Variants in PIEZO2 observed in about 807,000 individuals in gnomAD.
The protein encoded by PIEZO2 is piezo-type mechanosensitive ion channel component 2.
PIEZO2 carries 172 observed loss-of-function variants against 337.3 expected under a neutral mutation model. The observed-to-expected ratio is 0.51, with a 90% CI of 0.45 to 0.58. PIEZO2 has a LOEUF of 0.58. PIEZO2 is among the 20% of genes least tolerant of loss of function. PIEZO2 has a pLI of 0.00. For missense variants in PIEZO2, 3,028 were observed against 3,391.3 expected (o/e 0.89, Z 2.66); for synonymous variants, 1,251 against 1,228.5 (o/e 1.02, Z -0.38).
rs929744019 is a variant in PIEZO2 at position 10,952,772 on chromosome 18, A to T, written c.286+26763T>A. On this transcript the variant is annotated intron_variant, in intron 3 of 55. Coordinates refer to ENST00000674853, the MANE Select transcript of PIEZO2 (RefSeq NM_001378183.1). This position sits in a 1 kb window ranked among gnomAD's most constrained non-coding sequence, Gnocchi z 4.1. ...ATAATATGTTGGAAGATTATTTTTC[A>T]AAGTGTCTATATAATTGTACATTCC... 6.6e-6 allele frequency among the ~76,000 whole-genome samples: 1 copy of T among 152,182 alleles called. No homozygotes were observed. The highest frequency in any genetic ancestry group is 2.4e-5 in the African/African-American group (1 of 41,448).
chr18:10,731,042 A>C (rs1265002171), intron 36 of PIEZO2, among the ~76,000 whole-genome samples: 1 of 151,864 alleles, frequency 6.6e-6, no homozygotes, highest in Non-Finnish European at 1.5e-5. Context: ...TTTTCTAAGA[A>C]CAATTTTTAA....
Position 10,803,956 on chromosome 18 carries a change from C to CCAA in PIEZO2, c.1118_1119insTTG (p.Leu373_Ala374insTrp). On this transcript the variant is annotated inframe_insertion, in exon 9 of 56. Coordinates refer to ENST00000674853, the MANE Select transcript of PIEZO2 (RefSeq NM_001378183.1). Reference sequence around the variant, plus strand: ...CTGTTATTTGGATGGGGCTACAAGCCAGGGCTTTGTCCTCTTCTTTGGTCC... The same window carrying CCAA: ...CTGTTATTTGGATGGGGCTACAAGCCCAAAGGGCTTTGTCCTCTTCTTTGGTCC... 1 of 1,537,332 alleles carries CCAA rather than the reference C, an allele frequency of 6.5e-7. No individual in the cohort carries two copies. Among genetic ancestry groups the CCAA allele is most frequent in the Admixed American group, 2.0e-5 (1 of 51,004 alleles).
intron 4 of PIEZO2, among the ~76,000 whole-genome samples, chr18:10,879,823 T>G (rs2042366353): frequency 1.3e-5 from 2 of 152,212 alleles, no homozygotes; most frequent in African/African-American, 4.8e-5. Flanking sequence ...GGCATTAAAT[T>G]ATGGCATATC....
intron 2 of PIEZO2, among the ~76,000 whole-genome samples, chr18:11,011,386 T>TAAA (rs2035895308): frequency 6.6e-6 from 1 of 152,226 alleles, no homozygotes; most frequent in Non-Finnish European, 1.5e-5. Context: ...CTATGCCGTG[T>TAAA]TTGACTTTTA....
At chr18:10,782,829 A>C (rs188483893) in intron 17 of PIEZO2, among the ~76,000 whole-genome samples, 9 of 152,248 alleles carry the variant, frequency 5.9e-5, no homozygotes, top group Non-Finnish European at 1.2e-4. Flanking sequence ...CAGAACCTGC[A>C]TAGGCTAAAC....
chr18:11,095,416 A>G (rs1198035582), intron 1 of PIEZO2, among the ~76,000 whole-genome samples: 2 of 152,184 alleles, frequency 1.3e-5, no homozygotes, highest in Non-Finnish European at 2.9e-5. Flanking sequence ...TATGCACTAC[A>G]CTGGCACAGC....
At chr18:10,902,887 A>G (rs764571864) in intron 4 of PIEZO2, among the ~76,000 whole-genome samples, 2 of 152,216 alleles carry the variant, frequency 1.3e-5, no homozygotes, top group Non-Finnish European at 2.9e-5. Flanking sequence ...GGTCATGGGT[A>G]TAGAAAGTTT....
At chr18:10,714,992 C>A in intron 38 of PIEZO2, 62 bp from the exon 39 acceptor site, 1 of 1,472,396 alleles carries the variant, frequency 6.8e-7, no homozygotes, top group Non-Finnish European at 9.1e-7. Flanking sequence ...AGCCACCTGG[C>A]ATTTCTCAAC....
intron 3 of PIEZO2, among the ~76,000 whole-genome samples, chr18:10,970,091 A>C (rs1287396939): frequency 6.6e-6 from 1 of 152,220 alleles, no homozygotes; most frequent in East Asian, 1.9e-4. Flanking sequence ...ACTCAACATT[A>C]AAAGTTTAAT....
intron 54 of PIEZO2, 132 bp downstream of exon 54, chr18:10,675,077 T>A: frequency 1.9e-6 from 1 of 539,700 alleles, no homozygotes; most frequent in East Asian, 3.5e-5. Flanking sequence ...CTGTCAGGGG[T>A]TTCATATATA....
intron 1 of PIEZO2, among the ~76,000 whole-genome samples, chr18:11,145,049 G>A (rs1028859408): frequency 6.6e-6 from 1 of 152,096 alleles, no homozygotes; most frequent in African/African-American, 2.4e-5. Flanking sequence ...TGTGTAAAAT[G>A]TTCAATAATT....
Position 11,125,301 on chromosome 18 carries a change from G to A in PIEZO2, c.64+23224C>T, listed in dbSNP as rs950772340. 2.0e-5 allele frequency among the ~76,000 whole-genome samples: 3 copies of A among 152,110 alleles called. No homozygotes were observed. The highest frequency in any genetic ancestry group is 7.2e-5 in the African/African-American group (3 of 41,416). ...TATGCGAATATGTTTTAAAAACTAC[G>A]ATGTGTCCGACAAAAGACAGTGCTG... On this transcript the variant is annotated intron_variant, in intron 1 of 55. Coordinates refer to ENST00000674853, the MANE Select transcript of PIEZO2 (RefSeq NM_001378183.1). The surrounding 1 kb of genome is among the most constrained non-coding windows in gnomAD (Gnocchi z 4.4).
chr18:10,858,006 T>TTTCTTTCTTTC (rs558250507), intron 5 of PIEZO2, among the ~76,000 whole-genome samples: 3 of 130,542 alleles, frequency 2.3e-5, no homozygotes, highest in Admixed American at 2.2e-4. Context: ...TCTTTCTTTC[T>TTTCTTTCTTTC]TTTTTTTTTT....
Position 11,094,607 on chromosome 18 carries a change from C to T in PIEZO2, c.65-28385G>A, listed in dbSNP as rs777187060. ...TCCCCTCTCTGAAGACAGATGGCAA[C>T]GGCACCCTGGCCCTTCCTACCTAAC... On this transcript the variant is annotated intron_variant, in intron 1 of 55. Coordinates refer to ENST00000674853, the MANE Select transcript of PIEZO2 (RefSeq NM_001378183.1). The surrounding 1 kb of genome is among the most constrained non-coding windows in gnomAD (Gnocchi z 4.4). Among the ~76,000 whole-genome samples the T allele has an allele frequency of 3.9e-5, 6 of 152,164 alleles. No homozygotes were observed. The highest frequency in any genetic ancestry group is 1.2e-4 in the African/African-American group (5 of 41,440).
intron 3 of PIEZO2, among the ~76,000 whole-genome samples, chr18:10,971,737 T>C (rs149348610): frequency 6.6e-6 from 1 of 152,304 alleles, no homozygotes; most frequent in East Asian, 1.9e-4. Flanking sequence ...AAAATTTATG[T>C]ATCCTAATCA....
chr18:10,797,720 T>C (rs2144241827), intron 11 of PIEZO2, among the ~76,000 whole-genome samples, 198 bp from the exon 12 acceptor site: 1 of 152,316 alleles, frequency 6.6e-6, no homozygotes, highest in Admixed American at 6.5e-5. Context: ...GGATCTAGCA[T>C]GTGATAATTG....
chr18:10,843,474 GC>G (rs1393831310), intron 7 of PIEZO2, among the ~76,000 whole-genome samples: 2 of 151,964 alleles, frequency 1.3e-5, no homozygotes, highest in Non-Finnish European at 2.9e-5. Context: ...CCACTAATTT[GC>G]TATTAATTTC....
At chr18:11,055,819 G>A (rs1330718363) in intron 2 of PIEZO2, among the ~76,000 whole-genome samples, 1 of 152,170 alleles carries the variant, frequency 6.6e-6, no homozygotes, top group Non-Finnish European at 1.5e-5. Context: ...TGCAGCATCT[G>A]GCCGAGTGTG....
Position 10,815,914 on chromosome 18 carries a change from A to G in PIEZO2, c.918-8640T>C, listed in dbSNP as rs532515542. On this transcript the variant is annotated intron_variant, in intron 7 of 55. Transcript: ENST00000674853. The surrounding 1 kb of genome is among the most constrained non-coding windows in gnomAD (Gnocchi z 4.1). ...TACAGTTCAGTTATTCGCTCCTTACAGGTCCACAAAATTGCACCCAGCACA... is the reference window on the plus strand; with the variant it reads ...TACAGTTCAGTTATTCGCTCCTTACGGGTCCACAAAATTGCACCCAGCACA... Among the ~76,000 whole-genome samples, 4 of 152,198 alleles carry G rather than the reference A, an allele frequency of 2.6e-5. No individual in the cohort carries two copies. Among genetic ancestry groups the G allele is most frequent in the Admixed American group, 1.3e-4 (2 of 15,284 alleles).
Sources: gnomAD v4.1 joint callset for allele counts (sites outside exome capture counted in the v4.1 genomes callset) on GRCh38, gnomAD v4.1.1 for gene constraint, Gnocchi (gnomAD v3.1) non-coding constraint, MANE v1.5 for transcripts, NCBI Gene and HGNC (gene_info 2026-07-23, HGNC 2026-07-21) for gene names.